MACROD2: variants seen among roughly 807,000 people sequenced by gnomAD.
The protein encoded by MACROD2 is ADP-ribose glycohydrolase MACROD2.
MACROD2 carries 36 observed loss-of-function variants against 70.4 expected under a neutral mutation model. The ratio of observed to expected loss-of-function variants is 0.51; its 90% CI spans 0.39 to 0.68. The LOEUF (loss-of-function observed/expected upper bound fraction) is 0.68. MACROD2 is among the 30% of genes least tolerant of loss of function. MACROD2 has a pLI of 0.00. For missense variants in MACROD2, 496 were observed against 538.4 expected (o/e 0.92, Z 0.78); for synonymous variants, 172 against 178.8 (o/e 0.96, Z 0.30).
chr20:14,755,508 T>TTTTTGATTAATAAAGTCTAGTAAA (rs769815687), intron 5 of MACROD2, among the ~76,000 whole-genome samples: 10 of 152,098 alleles, frequency 6.6e-5, no homozygotes, highest in Non-Finnish European at 1.3e-4. Flanking sequence ...GCTACGTGAA[T>TTTTTGATTAATAAAGTCTAGTAAA]TTTTGATTAA....
intron 5 of MACROD2, among the ~76,000 whole-genome samples, chr20:14,810,801 A>G (rs1258538836): frequency 6.6e-6 from 1 of 152,128 alleles, no homozygotes; most frequent in African/African-American, 2.4e-5. Flanking sequence ...ATAGTAGACA[A>G]ACAGAGAGCC....
intron 8 of MACROD2, among the ~76,000 whole-genome samples, chr20:15,546,290 T>A (rs1348501098): frequency 6.6e-6 from 1 of 152,162 alleles, no homozygotes; most frequent in African/African-American, 2.4e-5. Flanking sequence ...TAGCTAACAC[T>A]TCTTGAACGT....
At chr20:15,221,707 G>A (rs553370793) in intron 5 of MACROD2, among the ~76,000 whole-genome samples, 44 of 152,278 alleles carry the variant, frequency 2.9e-4, no homozygotes, top group African/African-American at 8.4e-4. Context: ...ATAGAGGATG[G>A]CATTTTGGTA....
chr20:15,465,930 C>T (rs1056361008), intron 7 of MACROD2, among the ~76,000 whole-genome samples: 1 of 152,164 alleles, frequency 6.6e-6, no homozygotes, highest in African/African-American at 2.4e-5. Context: ...TCCTCAGCTC[C>T]GTGGACACAG....
At chr20:14,742,023 A>T (rs2071739011) in intron 5 of MACROD2, among the ~76,000 whole-genome samples, 1 of 152,194 alleles carries the variant, frequency 6.6e-6, no homozygotes, top group African/African-American at 2.4e-5. Flanking sequence ...TAACAAGAGT[A>T]TTTGGAAACA....
intron 6 of MACROD2, among the ~76,000 whole-genome samples, chr20:15,348,145 A>T (rs2078187203): frequency 6.6e-6 from 1 of 152,144 alleles, no homozygotes; most frequent in South Asian, 2.1e-4. Flanking sequence ...GACCATGAGA[A>T]CCTGACTCCA....
intron 15 of MACROD2, among the ~76,000 whole-genome samples, chr20:16,010,054 C>T (rs1266382748): frequency 1.3e-5 from 2 of 152,160 alleles, no homozygotes; most frequent in Non-Finnish European, 2.9e-5. Context: ...TTTTCTCTTA[C>T]TGTACTTGAT....
chr20:14,031,630 GC>G (rs1342162222), intron 2 of MACROD2, among the ~76,000 whole-genome samples: 2 of 152,022 alleles, frequency 1.3e-5, no homozygotes, highest in Non-Finnish European at 2.9e-5. Context: ...TACATTTGTA[GC>G]TATTTATATT....
At chr20:14,278,005 T>G (rs1352037082) in intron 3 of MACROD2, among the ~76,000 whole-genome samples, 1 of 152,190 alleles carries the variant, frequency 6.6e-6, no homozygotes, top group Non-Finnish European at 1.5e-5. Context: ...GATACTTAGT[T>G]TGCCTGAGGG....
chr20:15,727,739 T>C (rs1377552647), intron 8 of MACROD2, among the ~76,000 whole-genome samples: 2 of 152,176 alleles, frequency 1.3e-5, no homozygotes, highest in African/African-American at 4.8e-5. Flanking sequence ...AATCTTTGCT[T>C]GCATGTTGTT....
intron 5 of MACROD2, among the ~76,000 whole-genome samples, chr20:15,045,124 A>T (rs2075383138): frequency 6.6e-6 from 1 of 152,138 alleles, no homozygotes; most frequent in South Asian, 2.1e-4. Flanking sequence ...ACTAAAGATG[A>T]TCTAGAAAAA....
chr20:15,304,899 C>A (rs186599908), intron 6 of MACROD2, among the ~76,000 whole-genome samples: 1 of 152,336 alleles, frequency 6.6e-6, no homozygotes, highest in East Asian at 1.9e-4. Context: ...ACGGGAGGCA[C>A]CCCTCTCCAC....
At chr20:15,522,486 G>A (rs541764138) in intron 8 of MACROD2, among the ~76,000 whole-genome samples, 1 of 152,320 alleles carries the variant, frequency 6.6e-6, no homozygotes, top group African/African-American at 2.4e-5. Flanking sequence ...AGATACATGT[G>A]TGTGTATATA....
chr20:14,715,078 C>T (rs532528732), intron 5 of MACROD2, among the ~76,000 whole-genome samples: 7 of 152,236 alleles, frequency 4.6e-5, no homozygotes, highest in African/African-American at 1.2e-4. Flanking sequence ...GTTTCATTGT[C>T]TCACAGTTCA....
chr20:15,030,398 G>C (rs2075265481), intron 5 of MACROD2, among the ~76,000 whole-genome samples: 1 of 152,146 alleles, frequency 6.6e-6, no homozygotes, highest in Non-Finnish European at 1.5e-5. Flanking sequence ...GGAGGCTTTG[G>C]TGAGCTACTT....
At chr20:14,727,150 C>G (rs2071539602) in intron 5 of MACROD2, among the ~76,000 whole-genome samples, 1 of 152,118 alleles carries the variant, frequency 6.6e-6, no homozygotes. Context: ...AATACTCTTA[C>G]CAGTAAACTT....
rs548881150 is a variant in MACROD2, at chr20:15,609,054, A to T, written c.645+109207A>T. Among the ~76,000 whole-genome samples the T allele has an allele frequency of 4.6e-5, 7 of 151,982 alleles. No individual in the cohort carries two copies. In the South Asian group the frequency reaches 1.2e-3, roughly 27 times the overall value. ...CCCAGCTACATCCTGCTGTTCTTTCACCTGCTCTATTCCTCCAGAAGCAGA... is the reference window on the plus strand; with the variant it reads ...CCCAGCTACATCCTGCTGTTCTTTCTCCTGCTCTATTCCTCCAGAAGCAGA... On this transcript the variant is annotated intron_variant, in intron 8 of 17. Coordinates refer to ENST00000684519, the MANE Select transcript of MACROD2 (RefSeq NM_001351661.2).
chr20:14,092,721 A>C (rs1027724109), intron 3 of MACROD2, among the ~76,000 whole-genome samples: 6 of 152,224 alleles, frequency 3.9e-5, no homozygotes, highest in African/African-American at 1.4e-4. Flanking sequence ...AATTAAGATC[A>C]GACAGATGTT....
intron 6 of MACROD2, among the ~76,000 whole-genome samples, chr20:15,281,088 C>G (rs1229531130): frequency 6.6e-6 from 1 of 152,198 alleles, no homozygotes; most frequent in Non-Finnish European, 1.5e-5. Context: ...ATAAAACTGT[C>G]AGATCTTGTG....
Sources: allele counts gnomAD v4.1 joint callset (sites outside exome capture counted in the v4.1 genomes callset), GRCh38; gene constraint gnomAD v4.1.1; transcripts MANE v1.5; gene names NCBI Gene and HGNC (gene_info 2026-07-23, HGNC 2026-07-21).